COL4A3: variants seen among roughly 807,000 people sequenced by gnomAD.
COL4A3 encodes collagen alpha-3(IV) chain.
A neutral mutation model predicts 217.4 loss-of-function variants in COL4A3; 135 were observed. That is an observed-to-expected ratio of 0.62 (90% CI 0.54 to 0.72). The LOEUF (loss-of-function observed/expected upper bound fraction) is 0.72, where lower values mean the gene tolerates loss of function less well. Among genes scored for constraint, COL4A3 ranks in the 30% least tolerant of loss-of-function variants. COL4A3 has a pLI of 0.00. For synonymous variants in COL4A3, 690 were observed against 736.3 expected (o/e 0.94, Z 1.02); for missense variants, 1,868 against 2,119.9 (o/e 0.88, Z 2.33).
chr2:227,231,599 C>T (rs970513977), intron 1 of COL4A3, among the ~76,000 whole-genome samples: 1 of 152,046 alleles, frequency 6.6e-6, no homozygotes, highest in Admixed American at 6.6e-5. Flanking sequence ...TGGCTCATTG[C>T]AATCTCTGCC....
chr2:227,271,694 A>T (rs1218508505), intron 25 of COL4A3, among the ~76,000 whole-genome samples: 7 of 151,772 alleles, frequency 4.6e-5, no homozygotes, highest in Admixed American at 4.6e-4. Flanking sequence ...CTGGTCTCGA[A>T]CTCCTGACCT....
intron 1 of COL4A3, among the ~76,000 whole-genome samples, chr2:227,190,554 G>A (rs1376923195): frequency 6.6e-6 from 1 of 152,166 alleles, no homozygotes; most frequent in Non-Finnish European, 1.5e-5. Flanking sequence ...GGGACTTTGT[G>A]TATTCTTTGA....
In COL4A3 at chr2:227,198,242, G is replaced by A. The variant is rs2066557165; in HGVS notation, c.87+33429G>A. Among the ~76,000 whole-genome samples, 2 of 152,198 alleles carry A rather than the reference G, an allele frequency of 1.3e-5. 1 individual carries two copies. Among genetic ancestry groups the A allele is most frequent in the Non-Finnish European group, 2.9e-5 (2 of 68,026 alleles). ...CCTGATTGTAACCACTCGTGCCATT[G>A]AAACCAAAGACTGGAGCCAAGATAT... On this transcript the variant is annotated intron_variant, in intron 1 of 51. Coordinates refer to ENST00000396578, the MANE Select transcript of COL4A3 (RefSeq NM_000091.5).
chr2:227,244,864 G>T, intron 4 of COL4A3, 87 bp from the exon 5 acceptor site: 2 of 1,331,474 alleles, frequency 1.5e-6, no homozygotes, highest in Non-Finnish European at 2.2e-6. Flanking sequence ...AAAGATTATC[G>T]CAATGGTAAA....
At chr2:227,196,235 C>G (rs2125718085) in intron 1 of COL4A3, among the ~76,000 whole-genome samples, 1 of 152,194 alleles carries the variant, frequency 6.6e-6, no homozygotes, top group South Asian at 2.1e-4. Flanking sequence ...TCACTCACCA[C>G]TCACTCACTG....
At chr2:227,264,198 G>A (rs1027634070) in intron 21 of COL4A3, among the ~76,000 whole-genome samples, 1 of 152,214 alleles carries the variant, frequency 6.6e-6, no homozygotes, top group African/African-American at 2.4e-5. Flanking sequence ...AGAGTGATGT[G>A]GGGAAGGATG....
chr2:227,283,853 AG>A lies in COL4A3; in HGVS notation c.2746+1del, dbSNP rs2106172051. ...TGGGAACCCAGGCACACCAGGGCAGAGGGGTAAGTGATAGAGTGTCTTTCTA... is the reference window on the plus strand; with the variant it reads ...TGGGAACCCAGGCACACCAGGGCAGAGGGTAAGTGATAGAGTGTCTTTCTA... ...PPGNPGTPGQRGSPGIPGVKG... is the reference protein window; with the variant it reads ...PPGNPGTPGQXGSPGIPGVKG... On this transcript the variant is annotated frameshift_variant and splice_region_variant, in exon 33 of 52. Coordinates refer to ENST00000396578, the MANE Select transcript of COL4A3 (RefSeq NM_000091.5). LOFTEE classifies it high-confidence loss of function. 1 of 1,611,940 alleles carries A rather than the reference AG, an allele frequency of 6.2e-7. No homozygotes were observed. The highest frequency in any genetic ancestry group is 1.1e-5 in the South Asian group (1 of 91,046).
chr2:227,201,933 G>A (rs1198088088), intron 1 of COL4A3, among the ~76,000 whole-genome samples: 1 of 152,124 alleles, frequency 6.6e-6, no homozygotes, highest in Non-Finnish European at 1.5e-5. Context: ...ATTAACTAAA[G>A]TATTAAATGG....
In COL4A3 at chr2:227,195,652, CACAT is replaced by C. The variant is rs1377840049; in HGVS notation, c.87+30841_87+30844del. On this transcript the variant is annotated intron_variant, in intron 1 of 51. Transcript: ENST00000396578. ...TTTATTATTATTTTAGAGTCTATGCCACATATATATATATATGTGTGTGTGTGTG... is the reference window on the plus strand; with the variant it reads ...TTTATTATTATTTTAGAGTCTATGCCATATATATATATGTGTGTGTGTGTG... Among the ~76,000 whole-genome samples the C allele has an allele frequency of 1.9e-4, 26 of 139,406 alleles. 1 individual carries two copies. Among genetic ancestry groups the C allele is most frequent in the South Asian group, 1.2e-3 (5 of 4,258 alleles). The allele number at this position is 139,406 out of a possible 152,430, so 91.5% of individuals were successfully genotyped here.
intron 1 of COL4A3, among the ~76,000 whole-genome samples, chr2:227,197,276 G>T (rs2066518107): frequency 6.6e-6 from 1 of 152,002 alleles, no homozygotes; most frequent in African/African-American, 2.4e-5. Flanking sequence ...GAGTGCCGTG[G>T]CACAATCTCA....
intron 42 of COL4A3, among the ~76,000 whole-genome samples, 176 bp from the exon 43 acceptor site, chr2:227,298,506 C>G (rs981730013): frequency 6.6e-6 from 1 of 152,214 alleles, no homozygotes; most frequent in African/African-American, 2.4e-5. Flanking sequence ...GTGCCAGGTG[C>G]TTCGCTGGCA....
intron 1 of COL4A3, among the ~76,000 whole-genome samples, chr2:227,222,157 AATAATAATGATAATG>A (rs561298484): frequency 0.038 from 3,813 of 99,664 alleles, 147 homozygotes; most frequent in African/African-American, 0.1. Flanking sequence ...TAATAATAAT[AATAATAATGATAATG>A]ATAATAAAAA....
intron 1 of COL4A3, among the ~76,000 whole-genome samples, chr2:227,229,961 G>A (rs556818854): frequency 6.6e-6 from 1 of 151,234 alleles, no homozygotes; most frequent in Admixed American, 6.6e-5. Context: ...TGAGGCAGGA[G>A]AATGGCGTGA....
At position 227,240,140 on chromosome 2, in the gene COL4A3, CAG is replaced by C. The variant is rs1491486533; in HGVS notation, c.145-2_145-1del. On this transcript the variant is annotated splice_acceptor_variant, in intron 2 of 51. Coordinates refer to ENST00000396578, the MANE Select transcript of COL4A3 (RefSeq NM_000091.5). LOFTEE classifies it high-confidence loss of function. ...GTTTCTCACCTCGTTTTGGTTTTAA[CAG>C]GGGGAGAAGGGCTTTCCTGGACCCC... 1.2e-6 allele frequency: 2 copies of C among 1,604,470 alleles called. No homozygotes were observed. The highest frequency in any genetic ancestry group is 1.3e-5 in the African/African-American group (1 of 74,756).
intron 1 of COL4A3, among the ~76,000 whole-genome samples, chr2:227,178,448 C>T (rs1020568366): frequency 7.9e-5 from 12 of 152,084 alleles, no homozygotes; most frequent in East Asian, 1.9e-4. Flanking sequence ...TACTCTCCGA[C>T]GTTTATTAAA....
rs1255192832 is a variant in COL4A3, at chr2:227,208,795, CACACACACACATATAT to C, written c.88-29169_88-29154del. Reference sequence around the variant, plus strand: ...ACACACACACACACACACACACACACACACACACACATATATACAGAAGGAGGTAAGTACAAAGTTC... The same window carrying C: ...ACACACACACACACACACACACACACACAGAAGGAGGTAAGTACAAAGTTC... On this transcript the variant is annotated intron_variant, in intron 1 of 51. Coordinates refer to ENST00000396578, the MANE Select transcript of COL4A3 (RefSeq NM_000091.5). Among the ~76,000 whole-genome samples, 388 of 110,284 alleles carry C rather than the reference CACACACACACATATAT, an allele frequency of 3.5e-3. 2 individuals carry two copies. The highest frequency in any genetic ancestry group is 1.0e-2 in the African/African-American group (287 of 28,764). 72.4% of individuals were successfully genotyped at this position (110,284 alleles called of 152,430 possible).
rs2068793819 is a variant in COL4A3, at chr2:227,238,015, A to G, written c.135A>G (p.Lys45=). The G allele has an allele frequency of 1.2e-6, 2 of 1,604,870 alleles. No individual in the cohort carries two copies. Among genetic ancestry groups the G allele is most frequent in the Non-Finnish European group, 8.5e-7 (1 of 1,171,784 alleles). ...GCCAGTGCTTCTGTGACGGGGCCAA[A>G]GGGGAGAAGGTAAAAACAAACCCTA... is the stretch of plus-strand genomic sequence containing the variant. ...DKGQCFCDGA[K]GEKGEKGFPG... is the part of the protein sequence containing the mutation. The change falls in exon 2 of 52, where the codon AAA becomes AAG. Residue 45 remains lysine (K), a synonymous_variant. Transcript: ENST00000396578.
At chr2:227,216,863 C>A (rs1420667204) in intron 1 of COL4A3, among the ~76,000 whole-genome samples, 7 of 152,166 alleles carry the variant, frequency 4.6e-5, no homozygotes, top group Admixed American at 6.6e-5. Context: ...CACAGATGGT[C>A]AGAGTTTGGG....
chr2:227,245,931 A>G, intron 5 of COL4A3, 23 bp from the exon 6 acceptor site: 1 of 1,607,944 alleles, frequency 6.2e-7, no homozygotes, highest in Non-Finnish European at 8.5e-7. Flanking sequence ...GACCCTCCTC[A>G]TTGAGACTTG....
Sources: allele counts gnomAD v4.1 joint callset (sites outside exome capture counted in the v4.1 genomes callset), GRCh38; gene constraint gnomAD v4.1.1; transcripts MANE v1.5; gene names NCBI Gene and HGNC (gene_info 2026-07-23, HGNC 2026-07-21).